ARL9: variants seen among roughly 807,000 people sequenced by gnomAD.
The protein encoded by ARL9 is ARF like GTPase 9, also known as ADP-ribosylation factor-like protein 9.
Under a neutral mutation model 27.0 loss-of-function variants are expected in ARL9, and 14 were observed. That is an observed-to-expected ratio of 0.52 (90% CI 0.34 to 0.81). The LOEUF is 0.81. ARL9 is among the 30% of genes least tolerant of loss of function. ARL9 has a pLI of 0.01. For missense variants in ARL9, 294 were observed against 290.0 expected, an observed-to-expected ratio of 1.01 and a Z score of -0.10; for synonymous variants, 106 against 108.7, an observed-to-expected ratio of 0.98 and a Z score of 0.15.
intron 2 of ARL9, among the ~76,000 whole-genome samples, chr4:56,515,871 C>T (rs1257171321): frequency 6.6e-6 from 1 of 152,066 alleles, no homozygotes; most frequent in East Asian, 1.9e-4. Context: ...TAATTCTCCC[C>T]AAATTGACGT....
intron 1 of ARL9, among the ~76,000 whole-genome samples, chr4:56,509,915 G>A (rs1029149199): frequency 1.3e-5 from 2 of 151,712 alleles, no homozygotes; most frequent in Admixed American, 1.3e-4. Context: ...CACCATATTG[G>A]CCAGGCTGGT....
At position 56,518,631 on chromosome 4, in the gene ARL9, C is replaced by T. The variant is rs751015821; in HGVS notation, c.443-47C>T. The stretch of plus-strand genomic sequence containing the variant: ...CTCCCTGCTCCCTGGGTGGGTGCTT[C>T]TGTGATTTTGTGTGTGTGTGTCTTC... On this transcript the variant is annotated intron_variant, in intron 2 of 3. Transcript: ENST00000640821. 7.7e-6 allele frequency: 12 copies of T among 1,558,210 alleles called. No individual in the cohort carries two copies. The South Asian group carries it at 1.3e-4, about 17-fold the overall frequency.
intron 3 of ARL9, among the ~76,000 whole-genome samples, chr4:56,519,650 G>A (rs1426857552): frequency 1.3e-5 from 2 of 152,006 alleles, no homozygotes; most frequent in Non-Finnish European, 2.9e-5. Context: ...CCACTTCTGG[G>A]TATACAGTGA....
At chr4:56,511,471 G>C (rs931210121) in intron 2 of ARL9, 124 bp downstream of exon 2, 1 of 1,091,898 alleles carries the variant, frequency 9.2e-7, no homozygotes, top group Non-Finnish European at 1.3e-6. Flanking sequence ...TAGACTTTTA[G>C]AATGGATGTG....
chr4:56,514,347 C>T (rs778420714), intron 2 of ARL9, among the ~76,000 whole-genome samples: 1 of 152,114 alleles, frequency 6.6e-6, no homozygotes, highest in Non-Finnish European at 1.5e-5. Context: ...ATAATAAAGA[C>T]ACGAAGCCAA....
intron 1 of ARL9, 63 bp from the exon 2 acceptor site, chr4:56,511,122 C>A: frequency 2.1e-6 from 3 of 1,409,570 alleles, no homozygotes; most frequent in South Asian, 2.9e-5. Context: ...TGGATTCTGC[C>A]AAGACCCAGA....
chr4:56,515,023 C>T (rs1470036102), intron 2 of ARL9, among the ~76,000 whole-genome samples: 3 of 152,162 alleles, frequency 2.0e-5, no homozygotes, highest in East Asian at 3.9e-4. Context: ...GCCAAGGGGG[C>T]GGATCACTCA....
chr4:56,506,014 AAG>A lies in ARL9; in HGVS notation c.156_157del (p.Lys53ArgfsTer19). The A allele has an allele frequency of 7.4e-6, 9 of 1,218,456 alleles. No homozygotes were observed. Among genetic ancestry groups the A allele is most frequent in the Non-Finnish European group, 9.2e-6 (9 of 974,940 alleles). The allele number at this position is 1,218,456 out of a possible 1,614,324, so 75.5% of individuals were successfully genotyped here. A position where few individuals can be genotyped will look rare whatever the true frequency, so the allele number is the denominator to read the frequency against. On this transcript the variant is annotated frameshift_variant, in exon 1 of 4. Coordinates refer to ENST00000640821, the MANE Select transcript of ARL9 (RefSeq NM_001363794.2). LOFTEE classifies it high-confidence loss of function. ...GAGAAGCAGGAGAGGAGAAAGGGAAAAGAGAAAGAGGAAAAGAGGACAAAGCA... is the reference window on the plus strand; with the variant it reads ...GAGAAGCAGGAGAGGAGAAAGGGAAAAGAAAGAGGAAAAGAGGACAAAGCA...
At chr4:56,509,898 A>G (rs57523479) in intron 1 of ARL9, among the ~76,000 whole-genome samples, 48,464 of 150,986 alleles carry the variant, frequency 0.32, 8,085 homozygotes, top group East Asian at 0.46. Flanking sequence ...AAGTAGACAC[A>G]GAGTTCCACC....
chr4:56,522,219 G>C lies in ARL9; in HGVS notation c.619-1478G>C, dbSNP rs187173763. Among the ~76,000 whole-genome samples the C allele has an allele frequency of 1.6e-3, 237 of 152,156 alleles. 2 individuals carry two copies. The highest frequency in any genetic ancestry group is 4.9e-3 in the African/African-American group (205 of 41,516). On this transcript the variant is annotated intron_variant, in intron 3 of 3. Coordinates refer to ENST00000640821, the MANE Select transcript of ARL9 (RefSeq NM_001363794.2). ...GCGGAACACCTGAGGTCAGGAGTTC[G>C]AGACCAGCCTGGCCAACATGGTGAA...
At position 56,511,280 on chromosome 4, in the gene ARL9, G is replaced by C. The variant is rs1397349846; in HGVS notation, c.375G>C (p.Val125=). 16 of 1,613,828 alleles carry C rather than the reference G, an allele frequency of 9.9e-6. No individual in the cohort carries two copies. Among genetic ancestry groups the C allele is most frequent in the Non-Finnish European group, 1.3e-5 (15 of 1,179,824 alleles). ...SLASNRVQHS[V]APTQGFHAVC... ...CTTCAAACAGAGTCCAGCACAGTGT[G>C]GCACCCACCCAAGGTTTCCATGCAG... The change falls in exon 2 of 4, where the codon GTG becomes GTC. Residue 125 remains valine (V), a synonymous_variant. Transcript: ENST00000640821.
chr4:56,511,417 C>A, intron 2 of ARL9, 70 bp downstream of exon 2: 2 of 1,448,900 alleles, frequency 1.4e-6, no homozygotes, highest in Middle Eastern at 1.9e-4. Flanking sequence ...ATGATGTTAG[C>A]AACATTGAGT....
rs181851273 is a variant in ARL9 at position 56,523,898 on chromosome 4, G to A, written c.*22G>A. 3.9e-3 allele frequency: 6,175 copies of A among 1,596,108 alleles called. 34 individuals carry two copies. The highest frequency in any genetic ancestry group is 0.017 in the African/African-American group (1,252 of 74,540). On this transcript the variant is annotated 3_prime_UTR_variant, in exon 4 of 4. Transcript: ENST00000640821. The stretch of plus-strand genomic sequence containing the variant: ...GTGACCAGGACTCAGCCCACTGTGC[G>A]GCTCACGACTGAGATGTCATCAGTG...
chr4:56,514,373 C>G (rs1721719603), intron 2 of ARL9, among the ~76,000 whole-genome samples: 1 of 151,986 alleles, frequency 6.6e-6, no homozygotes, highest in South Asian at 2.1e-4. Flanking sequence ...TTGATGAAGA[C>G]ACAGTAGCAA....
At chr4:56,520,071 C>T (rs995366803) in intron 3 of ARL9, among the ~76,000 whole-genome samples, 7 of 151,374 alleles carry the variant, frequency 4.6e-5, no homozygotes, top group African/African-American at 1.7e-4. Flanking sequence ...GGCGCAATTT[C>T]GGCTAACCAC....
intron 2 of ARL9, among the ~76,000 whole-genome samples, chr4:56,517,821 T>C (rs1721805909): frequency 6.6e-6 from 1 of 152,028 alleles, no homozygotes; most frequent in East Asian, 1.9e-4. Context: ...ACCCACAGGA[T>C]CATATTAACT....
intron 2 of ARL9, among the ~76,000 whole-genome samples, chr4:56,513,407 T>A (rs2110147688): frequency 6.6e-6 from 1 of 152,332 alleles, no homozygotes; most frequent in South Asian, 2.1e-4. Flanking sequence ...CTCTAAAAAA[T>A]TCTTGTAGTT....
intron 1 of ARL9, among the ~76,000 whole-genome samples, chr4:56,507,723 C>T (rs1449833183): frequency 6.6e-6 from 1 of 151,424 alleles, no homozygotes; most frequent in Non-Finnish European, 1.5e-5. Context: ...CCTGTAATCC[C>T]GGCACTTTGG....
At chr4:56,509,399 C>G (rs1005531415) in intron 1 of ARL9, among the ~76,000 whole-genome samples, 3 of 151,514 alleles carry the variant, frequency 2.0e-5, no homozygotes, top group African/African-American at 4.9e-5. Context: ...AGGGTTATGC[C>G]GTGATAGCCA....
Sources: gnomAD v4.1 joint callset for allele counts (sites outside exome capture counted in the v4.1 genomes callset) on GRCh38, gnomAD v4.1.1 for gene constraint, MANE v1.5 for transcripts, NCBI Gene and HGNC (gene_info 2026-07-23, HGNC 2026-07-21) for gene names.